FILIP1L: variants seen among roughly 807,000 people sequenced by gnomAD.
FILIP1L encodes filamin A interacting protein 1 like.
FILIP1L carries 55 observed loss-of-function variants against 96.6 expected under a neutral mutation model. The observed-to-expected ratio is 0.57, with a 90% CI of 0.46 to 0.71. The LOEUF is 0.71. Ranked by LOEUF, FILIP1L falls within the 30% of genes least tolerant of loss-of-function variation. The pLI, the probability that FILIP1L is intolerant of heterozygous loss-of-function variation, is 0.00. For synonymous variants in FILIP1L, 467 were observed against 473.9 expected (o/e 0.99, Z 0.19); for missense variants, 1,304 against 1,321.2 (o/e 0.99, Z 0.20).
chr3:99,863,112 A>G (rs985654173), intron 4 of FILIP1L, among the ~76,000 whole-genome samples: 11 of 152,236 alleles, frequency 7.2e-5, no homozygotes, highest in Middle Eastern at 3.4e-3. Context: ...TTTTCCATGG[A>G]CATGGGAGAG....
intron 2 of FILIP1L, 49 bp downstream of exon 2, chr3:99,930,720 A>G (rs1707449872): frequency 6.3e-7 from 1 of 1,596,734 alleles, no homozygotes; most frequent in African/African-American, 1.3e-5. Flanking sequence ...CAAATTCACA[A>G]GCAGCCTTCT....
At chr3:100,106,318 C>G (rs1411474963) in intron 1 of FILIP1L, among the ~76,000 whole-genome samples, 1 of 152,154 alleles carries the variant, frequency 6.6e-6, no homozygotes, top group Non-Finnish European at 1.5e-5. Flanking sequence ...CAGTCCTCTT[C>G]CAGGCCAGCC....
intron 1 of FILIP1L, among the ~76,000 whole-genome samples, chr3:99,962,736 A>G (rs1181994290): frequency 6.6e-6 from 1 of 152,218 alleles, no homozygotes; most frequent in Non-Finnish European, 1.5e-5. Flanking sequence ...CCTCAGATAC[A>G]GTTAGTTTAA....
At chr3:100,002,501 A>T (rs1709871498) in intron 1 of FILIP1L, among the ~76,000 whole-genome samples, 1 of 152,198 alleles carries the variant, frequency 6.6e-6, no homozygotes, top group Non-Finnish European at 1.5e-5. Flanking sequence ...GCACACAGGT[A>T]CACACTCTTC....
rs374887996 is a variant in FILIP1L, at chr3:99,964,804, C to T, written c.-10-33774G>A. Among the ~76,000 whole-genome samples, 8 of 152,226 alleles carry T rather than the reference C, an allele frequency of 5.3e-5. No individual in the cohort carries two copies. The East Asian group carries it at 1.2e-3, about 22-fold the overall frequency. On this transcript the variant is annotated intron_variant, in intron 1 of 5. Coordinates refer to ENST00000477258, the MANE Select transcript of FILIP1L (RefSeq NM_001387850.1). The stretch of plus-strand genomic sequence containing the variant: ...AACCTCCAGGCTACCCAAGGGGGAT[C>T]ATACCTTCACACACCTCTCATCTAC...
At chr3:99,840,221 C>CTTTTT (rs10935982) in intron 5 of FILIP1L, among the ~76,000 whole-genome samples, 22 of 102,120 alleles carry the variant, frequency 2.2e-4, no homozygotes, top group African/African-American at 6.5e-4. Context: ...TTCGTAGAAT[C>CTTTTT]TTTTTTTTTT....
At chr3:100,048,626 G>A (rs897767640) in intron 1 of FILIP1L, among the ~76,000 whole-genome samples, 13 of 152,128 alleles carry the variant, frequency 8.5e-5, no homozygotes, top group Non-Finnish European at 1.9e-4. Context: ...TTTTTGGACT[G>A]CCATTTAGAG....
chr3:99,848,868 T>A lies in FILIP1L; in HGVS notation c.2808A>T (p.Ile936=). Residue 936 remains isoleucine (I), a synonymous_variant, in exon 5 of 6, where the codon ATA becomes ATT. Coordinates refer to ENST00000477258, the MANE Select transcript of FILIP1L (RefSeq NM_001387850.1). The part of the protein sequence containing the change: ...SPHSYTSTAV[I]PNCGTPKQRI... ...TTTGCTTTGGCGTGCCACAGTTCGG[T>A]ATCACTGCAGTACTCGTGTAAGAGT... The A allele has an allele frequency of 2.5e-6, 4 of 1,614,170 alleles. No individual in the cohort carries two copies. Among genetic ancestry groups the A allele is most frequent in the Non-Finnish European group, 3.4e-6 (4 of 1,180,012 alleles).
At chr3:99,865,755 A>AATAT (rs57042892) in intron 4 of FILIP1L, among the ~76,000 whole-genome samples, 12 of 149,594 alleles carry the variant, frequency 8.0e-5, no homozygotes, top group African/African-American at 2.4e-4. Context: ...CATAATAATA[A>AATAT]ATATATATAT....
In FILIP1L at chr3:99,930,940, C is replaced by G. The variant is rs757240480; in HGVS notation, c.81G>C (p.Gly27=). ...GCTGTCTATGCTTCATGTTTTTAGG[C>G]CCTTGGAAACTGTGGCCTTTAGTAT... ...PRHTKGHSFQ[G]PKNMKHRQQD... The change falls in exon 2 of 6, where the codon GGG becomes GGC. Residue 27 remains glycine, a synonymous_variant. Coordinates refer to ENST00000477258, the MANE Select transcript of FILIP1L (RefSeq NM_001387850.1). 3 of 1,613,418 alleles carry G rather than the reference C, an allele frequency of 1.9e-6. No homozygotes were observed. Among genetic ancestry groups the G allele is most frequent in the Admixed American group, 3.3e-5 (2 of 59,936 alleles).
At chr3:100,081,302 G>A (rs116741282) in intron 1 of FILIP1L, among the ~76,000 whole-genome samples, 1,830 of 152,238 alleles carry the variant, frequency 0.012, 24 homozygotes, top group African/African-American at 0.027. Flanking sequence ...CACCTTTCAT[G>A]TAAAACAAAT....
chr3:100,038,217 A>G (rs796639097), intron 1 of FILIP1L, among the ~76,000 whole-genome samples: 4 of 152,178 alleles, frequency 2.6e-5, no homozygotes, highest in African/African-American at 9.6e-5. Context: ...TGGCCTCCCA[A>G]AGTGCTGTGA....
At chr3:100,038,369 T>C (rs1546032) in intron 1 of FILIP1L, among the ~76,000 whole-genome samples, 2,915 of 152,310 alleles carry the variant, frequency 0.019, 88 homozygotes, top group African/African-American at 0.066. Flanking sequence ...TGGCAACAGA[T>C]AGAAAAATAA....
chr3:100,063,462 T>A (rs756947791), intron 1 of FILIP1L, among the ~76,000 whole-genome samples: 3 of 152,162 alleles, frequency 2.0e-5, no homozygotes, highest in Non-Finnish European at 4.4e-5. Context: ...CTCAGAATGA[T>A]GGCCTTAATT....
chr3:100,109,908 C>A (rs948635099), intron 1 of FILIP1L: 9 of 120,862 alleles, frequency 7.4e-5, no homozygotes, highest in East Asian at 3.0e-4. Context: ...TTATGACCCC[C>A]CCCCCCCAGC....
At chr3:100,089,193 C>G (rs1238348680) in intron 1 of FILIP1L, among the ~76,000 whole-genome samples, 1 of 152,172 alleles carries the variant, frequency 6.6e-6, no homozygotes, top group Admixed American at 6.5e-5. Context: ...CAACGTCTAG[C>G]TCTTGTTTTC....
chr3:99,853,674 G>T (rs540182178), intron 4 of FILIP1L, among the ~76,000 whole-genome samples: 1 of 152,278 alleles, frequency 6.6e-6, no homozygotes, highest in Admixed American at 6.5e-5. Flanking sequence ...TTGTAAATTA[G>T]TTGGCATCCC....
chr3:100,094,887 A>C lies in FILIP1L; in HGVS notation c.-11+19166T>G, dbSNP rs189072039. Among the ~76,000 whole-genome samples, 464 of 151,708 alleles carry C rather than the reference A, an allele frequency of 3.1e-3. 4 individuals carry two copies. Among genetic ancestry groups the C allele is most frequent in the African/African-American group, 0.011 (438 of 41,354 alleles). ...GTTTTTTTAGTAGAGACGGGGTTTTATCATATTAGCCAGGATGGTCTTGAT... is the reference window on the plus strand; with the variant it reads ...GTTTTTTTAGTAGAGACGGGGTTTTCTCATATTAGCCAGGATGGTCTTGAT... On this transcript the variant is annotated intron_variant, in intron 1 of 5. Transcript: ENST00000477258.
chr3:99,885,666 T>C (rs180780205), intron 4 of FILIP1L, among the ~76,000 whole-genome samples: 1 of 152,370 alleles, frequency 6.6e-6, no homozygotes, highest in East Asian at 1.9e-4. Context: ...ACAATATTTG[T>C]CTATATATCT....
Sources: allele counts gnomAD v4.1 joint callset (sites outside exome capture counted in the v4.1 genomes callset), GRCh38; gene constraint gnomAD v4.1.1; transcripts MANE v1.5; gene names NCBI Gene and HGNC (gene_info 2026-07-23, HGNC 2026-07-21).